The following SOCS2 variants were observed in gnomAD, a reference collection of about 807,000 sequenced individuals.
SOCS2 encodes CIS-2.
Under a neutral mutation model 18.6 loss-of-function variants are expected in SOCS2, and 10 were observed. The observed-to-expected ratio is 0.54, with a 90% CI of 0.33 to 0.91. The LOEUF is 0.91. Ranked by LOEUF, SOCS2 falls within the 40% of genes least tolerant of loss-of-function variation. SOCS2 has a pLI of 0.02. For missense variants in SOCS2, 231 were observed against 247.2 expected, an observed-to-expected ratio of 0.93 and a Z score of 0.44; for synonymous variants, 104 against 104.0, an observed-to-expected ratio of 1.00 and a Z score of 0.00.
intron 1 of SOCS2, among the ~76,000 whole-genome samples, chr12:93,582,680 G>A (rs1455079557): frequency 1.1e-4 from 16 of 152,182 alleles, no homozygotes; most frequent in Admixed American, 9.8e-4. Context: ...AAGAGGTCGC[G>A]GTGCAGCGGG....
the SOCS2 span, among the ~76,000 whole-genome samples, chr12:93,591,471 G>C: frequency 6.6e-6 from 1 of 152,230 alleles, no homozygotes; most frequent in African/African-American, 2.4e-5. Flanking sequence ...GAATCTCAGA[G>C]TTTCGGTTAT....
the SOCS2 span, among the ~76,000 whole-genome samples, chr12:93,604,760 A>G: frequency 1.3e-5 from 2 of 151,996 alleles, no homozygotes; most frequent in Non-Finnish European, 2.9e-5. Context: ...CCCGGGCTCT[A>G]GTGATCCTCC....
the SOCS2 span, among the ~76,000 whole-genome samples, chr12:93,598,128 A>C: frequency 6.6e-6 from 1 of 152,208 alleles, no homozygotes; most frequent in African/African-American, 2.4e-5. Flanking sequence ...TGGGGAAGTG[A>C]GGGGATTGGC....
At chr12:93,594,978 G>A in the SOCS2 span, among the ~76,000 whole-genome samples, 1 of 152,144 alleles carries the variant, frequency 6.6e-6, no homozygotes, top group Non-Finnish European at 1.5e-5. Context: ...GGGATTTATT[G>A]AGAGTTCTTT....
the SOCS2 span, among the ~76,000 whole-genome samples, chr12:93,601,182 T>G: frequency 6.6e-6 from 1 of 151,920 alleles, no homozygotes; most frequent in African/African-American, 2.4e-5. Flanking sequence ...TTTTGGATAT[T>G]CATTTGTATC....
intron 1 of SOCS2, chr12:93,573,558 C>T (rs183475671): frequency 9.0e-4 from 198 of 219,708 alleles, no homozygotes; most frequent in African/African-American, 4.2e-3. Context: ...GCGCGGCTTC[C>T]ATGGTCGGCG....
chr12:93,614,461 TCC>T, the SOCS2 span, among the ~76,000 whole-genome samples: 1 of 91,756 alleles, frequency 1.1e-5, no homozygotes, highest in Non-Finnish European at 2.0e-5. Context: ...CTTCCTTCCT[TCC>T]TTCCTTCCTT....
At chr12:93,602,886 A>T in the SOCS2 span, among the ~76,000 whole-genome samples, 2 of 152,224 alleles carry the variant, frequency 1.3e-5, no homozygotes, top group African/African-American at 4.8e-5. Context: ...CCAGGTTGTC[A>T]TCTGGGTCCT....
chr12:93,616,103 A>T, the SOCS2 span, among the ~76,000 whole-genome samples: 7 of 152,204 alleles, frequency 4.6e-5, no homozygotes, highest in Non-Finnish European at 1.0e-4. Context: ...GCTGGTGCTG[A>T]CTTTACTCCC....
the SOCS2 span, among the ~76,000 whole-genome samples, chr12:93,612,585 C>G: frequency 6.6e-6 from 1 of 152,222 alleles, no homozygotes; most frequent in African/African-American, 2.4e-5. Context: ...GCATTCTAAT[C>G]TCTGTCTCAG....
intron 1 of SOCS2, among the ~76,000 whole-genome samples, chr12:93,582,383 G>T (rs549593974): frequency 6.6e-6 from 1 of 152,254 alleles, no homozygotes; most frequent in South Asian, 2.1e-4. Flanking sequence ...ACAGAACTAA[G>T]TTTGTGTTTT....
the SOCS2 span, among the ~76,000 whole-genome samples, chr12:93,593,584 A>G: frequency 6.6e-6 from 1 of 152,372 alleles, no homozygotes; most frequent in Non-Finnish European, 1.5e-5. Context: ...TAAATTGTTT[A>G]TAAATGATCA....
chr12:93,601,850 T>C, the SOCS2 span, among the ~76,000 whole-genome samples: 343 of 152,330 alleles, frequency 2.3e-3, 5 homozygotes, highest in African/African-American at 7.9e-3. Flanking sequence ...CTGCTTCCTA[T>C]TCCTGTCTCT....
chr12:93,621,123 A>G, the SOCS2 span, among the ~76,000 whole-genome samples: 1 of 145,108 alleles, frequency 6.9e-6, no homozygotes, highest in African/African-American at 2.4e-5. Flanking sequence ...GACTGTTCCA[A>G]CTCCTAGTCA....
downstream of SOCS2, among the ~76,000 whole-genome samples, chr12:93,577,240 C>T (rs1399093882): frequency 1.3e-5 from 2 of 152,220 alleles, no homozygotes; most frequent in Non-Finnish European, 2.9e-5. Flanking sequence ...GCACAAACAT[C>T]TCTGGAGTGT....
the SOCS2 span, among the ~76,000 whole-genome samples, chr12:93,599,171 C>CTTTTT: frequency 7.4e-5 from 9 of 122,306 alleles, no homozygotes; most frequent in African/African-American, 2.2e-4. Context: ...TGCTGTTTGT[C>CTTTTT]TTTTTTTTTT....
chr12:93,599,482 T>A, the SOCS2 span, among the ~76,000 whole-genome samples: 2 of 152,342 alleles, frequency 1.3e-5, no homozygotes, highest in African/African-American at 4.8e-5. Context: ...TTTTGAGTTA[T>A]AGGATTTCTT....
chr12:93,584,753 C>T (rs1256836809), downstream of SOCS2, among the ~76,000 whole-genome samples: 1 of 152,018 alleles, frequency 6.6e-6, no homozygotes, highest in African/African-American at 2.4e-5. Flanking sequence ...TCTGAATTTA[C>T]ACCTTTTCTT....
the SOCS2 span, among the ~76,000 whole-genome samples, chr12:93,622,651 G>T: frequency 3.3e-5 from 5 of 152,152 alleles, no homozygotes; most frequent in Admixed American, 1.3e-4. Flanking sequence ...CAATACTCTG[G>T]TTGGAAGAAA....
Sources: allele counts gnomAD v4.1 joint callset (sites outside exome capture counted in the v4.1 genomes callset), GRCh38; gene constraint gnomAD v4.1.1; transcripts MANE v1.5; gene names NCBI Gene and HGNC (gene_info 2026-07-23, HGNC 2026-07-21).